The following GPC6 variants were observed in gnomAD, a reference collection of about 807,000 sequenced individuals.
GPC6 encodes glypican-6.
GPC6 carries 14 observed loss-of-function variants against 55.2 expected under a neutral mutation model. The ratio of observed to expected loss-of-function variants is 0.25; its 90% CI spans 0.17 to 0.40. The LOEUF is 0.40. Ranked by LOEUF, GPC6 falls within the 10% of genes least tolerant of loss-of-function variation. GPC6 has a pLI of 1.00. For missense variants in GPC6, 641 were observed against 708.5 expected (o/e 0.90, Z 1.08); for synonymous variants, 278 against 259.6 (o/e 1.07, Z -0.68).
chr13:94,289,010 A>C (rs76808442), intron 5 of GPC6, among the ~76,000 whole-genome samples: 2,650 of 147,400 alleles, frequency 0.018, 87 homozygotes, highest in African/African-American at 0.063. Flanking sequence ...TGTTCCCTAC[A>C]AGTCTTCTCC....
At chr13:94,326,582 C>T (rs188957364) in intron 6 of GPC6, among the ~76,000 whole-genome samples, 19 of 152,306 alleles carry the variant, frequency 1.2e-4, no homozygotes, top group East Asian at 1.9e-4. Context: ...TCTGCCCCCA[C>T]GTAAATACAG....
chr13:93,361,760 G>T (rs968615179), intron 1 of GPC6, among the ~76,000 whole-genome samples: 2 of 152,118 alleles, frequency 1.3e-5, no homozygotes, highest in Non-Finnish European at 1.5e-5. Flanking sequence ...GAAAGATACA[G>T]GAACAGCAGT....
At chr13:94,008,673 A>G (rs1882118347) in intron 3 of GPC6, among the ~76,000 whole-genome samples, 1 of 152,204 alleles carries the variant, frequency 6.6e-6, no homozygotes. Context: ...ATAAATAAAT[A>G]GTTGGAAAGG....
In GPC6 at chr13:93,273,406, C is replaced by T. The variant is rs372334785; in HGVS notation, c.160+45790C>T. Among the ~76,000 whole-genome samples the T allele has an allele frequency of 1.9e-4, 29 of 152,250 alleles. No individual in the cohort carries two copies. In the East Asian group the frequency reaches 3.5e-3, roughly 18 times the overall value. On this transcript the variant is annotated intron_variant, in intron 1 of 8. Transcript: ENST00000377047. ...GGGCGCGGTGGCTCAAGCCTGTAAT[C>T]CCAGCACTTTGGGAGGCCGAGGTGG...
chr13:94,286,563 G>T, intron 5 of GPC6, 84 bp downstream of exon 5: 2 of 1,215,944 alleles, frequency 1.6e-6, no homozygotes, highest in South Asian at 2.5e-5. Context: ...AGATATGTCG[G>T]CTGGGCTTAT....
chr13:93,542,847 A>G (rs1243895438), intron 1 of GPC6, among the ~76,000 whole-genome samples: 1 of 152,100 alleles, frequency 6.6e-6, no homozygotes, highest in African/African-American at 2.4e-5. Context: ...GTGTATAAGA[A>G]TGCTTGTGAT....
intron 1 of GPC6, among the ~76,000 whole-genome samples, chr13:93,418,584 T>A (rs1301504556): frequency 1.3e-5 from 2 of 151,456 alleles, no homozygotes; most frequent in Non-Finnish European, 3.0e-5. Flanking sequence ...TACCATAGTA[T>A]CATTTTATTA....
intron 1 of GPC6, among the ~76,000 whole-genome samples, chr13:93,383,998 A>G (rs2813611): frequency 1 from 151,594 of 152,248 alleles, 75,476 homozygotes; most frequent in Middle Eastern, 1. Flanking sequence ...TATAATCTTG[A>G]TTTAGTGTTC....
chr13:94,205,986 G>T (rs568392078), intron 4 of GPC6, among the ~76,000 whole-genome samples: 1 of 152,146 alleles, frequency 6.6e-6, no homozygotes, highest in East Asian at 1.9e-4. Context: ...GTTGGTAGGG[G>T]CCAAACATGC....
Position 93,877,828 on chromosome 13 carries a change from C to G in GPC6, c.711+47283C>G, listed in dbSNP as rs77281578. On this transcript the variant is annotated intron_variant, in intron 3 of 8. Transcript: ENST00000377047. ...TTTACTTAGTCTTATGTGATAAAAT[C>G]CTTTTCGTTGATTACATTGGTGGAG... Among the ~76,000 whole-genome samples the G allele has an allele frequency of 5.1e-3, 773 of 152,040 alleles. 16 individuals carry two copies. The highest frequency in any genetic ancestry group is 0.035 in the Admixed American group (532 of 15,254).
chr13:93,698,747 A>G (rs1404872678), intron 2 of GPC6, among the ~76,000 whole-genome samples: 5 of 151,978 alleles, frequency 3.3e-5, no homozygotes, highest in Admixed American at 1.3e-4. Context: ...TTGAAAATTT[A>G]AAAACCAATG....
chr13:93,546,039 C>T (rs998100094), intron 2 of GPC6, among the ~76,000 whole-genome samples: 5 of 152,122 alleles, frequency 3.3e-5, no homozygotes, highest in Non-Finnish European at 5.9e-5. Flanking sequence ...ATTGAATTTT[C>T]GCATTAGAGC....
At chr13:93,532,194 A>G (rs1157659203) in intron 1 of GPC6, among the ~76,000 whole-genome samples, 1 of 152,160 alleles carries the variant, frequency 6.6e-6, no homozygotes, top group Non-Finnish European at 1.5e-5. Flanking sequence ...GTAATGCATA[A>G]CCACAGTTTT....
At chr13:94,142,430 T>A (rs1887413104) in intron 4 of GPC6, among the ~76,000 whole-genome samples, 1 of 152,202 alleles carries the variant, frequency 6.6e-6, no homozygotes, top group African/African-American at 2.4e-5. Flanking sequence ...CTAGTAAACC[T>A]TTTGGAGGGT....
At chr13:94,300,368 T>C (rs1450728908) in intron 5 of GPC6, among the ~76,000 whole-genome samples, 2 of 152,206 alleles carry the variant, frequency 1.3e-5, no homozygotes, top group African/African-American at 2.4e-5. Flanking sequence ...TGCCCTAATA[T>C]TTTTAAAGGA....
At chr13:94,071,405 A>T (rs1346808193) in intron 4 of GPC6, among the ~76,000 whole-genome samples, 2 of 152,230 alleles carry the variant, frequency 1.3e-5, no homozygotes, top group African/African-American at 2.4e-5. Context: ...TTGGCCATTT[A>T]AATTATTGAA....
intron 2 of GPC6, among the ~76,000 whole-genome samples, chr13:93,748,154 A>G (rs901925001): frequency 2.0e-5 from 3 of 152,194 alleles, no homozygotes; most frequent in Non-Finnish European, 2.9e-5. Flanking sequence ...AATATTACCA[A>G]CGATACTATT....
At chr13:93,715,197 C>T (rs11842786) in intron 2 of GPC6, among the ~76,000 whole-genome samples, 2,941 of 151,660 alleles carry the variant, frequency 0.019, 86 homozygotes, top group African/African-American at 0.066. Flanking sequence ...AAAACAAACA[C>T]GTGGAGTCAA....
intron 4 of GPC6, among the ~76,000 whole-genome samples, chr13:94,169,820 G>A (rs1003388838): frequency 6.6e-6 from 1 of 151,992 alleles, no homozygotes; most frequent in Non-Finnish European, 1.5e-5. Context: ...AGCCTTATGT[G>A]CTGAGCCCAC....
Sources: gnomAD v4.1 joint callset for allele counts (sites outside exome capture counted in the v4.1 genomes callset) on GRCh38, gnomAD v4.1.1 for gene constraint, MANE v1.5 for transcripts, NCBI Gene and HGNC (gene_info 2026-07-23, HGNC 2026-07-21) for gene names.